Variants in CPEB1 observed in about 807,000 individuals in gnomAD.
CPEB1 encodes cytoplasmic polyadenylation element binding protein 1.
CPEB1 carries 7 observed loss-of-function variants against 65.8 expected under a neutral mutation model. The ratio of observed to expected loss-of-function variants is 0.11; its 90% CI spans 0.06 to 0.20. The LOEUF is 0.20. Ranked by LOEUF, CPEB1 falls within the 10% of genes least tolerant of loss-of-function variation. The pLI is 1.00. For synonymous variants in CPEB1, 262 were observed against 260.0 expected (o/e 1.01, Z -0.08); for missense variants, 551 against 712.2 (o/e 0.77, Z 2.58).
Position 82,609,556 on chromosome 15 carries a change from C to T in CPEB1, c.271+17637G>A, listed in dbSNP as rs993867524. Among the ~76,000 whole-genome samples, 14 of 150,624 alleles carry T rather than the reference C, an allele frequency of 9.3e-5. 1 individual carries two copies. Among genetic ancestry groups the T allele is most frequent in the African/African-American group, 3.4e-4 (14 of 41,062 alleles). ...AAATATCAATAACCTAACATTCTACCTAAAGAAACTAGAAAAAATAAACAC... is the reference window on the plus strand; with the variant it reads ...AAATATCAATAACCTAACATTCTACTTAAAGAAACTAGAAAAAATAAACAC... On this transcript the variant is annotated intron_variant, in intron 3 of 12. Transcript: ENST00000684509.
intron 5 of CPEB1, 77 bp downstream of exon 5, chr15:82,557,683 A>T (rs924573875): frequency 1.6e-6 from 2 of 1,243,522 alleles, no homozygotes; most frequent in Admixed American, 3.6e-5. Context: ...CATCCCATAG[A>T]TATTGTACCC....
intron 1 of CPEB1, among the ~76,000 whole-genome samples, chr15:82,646,160 C>T (rs956155906): frequency 1.1e-4 from 16 of 152,138 alleles, no homozygotes; most frequent in African/African-American, 3.4e-4. Context: ...AGCATGTGTC[C>T]CTAGACTCAA....
chr15:82,545,651 C>G (rs1358273349), intron 12 of CPEB1, among the ~76,000 whole-genome samples: 1 of 152,208 alleles, frequency 6.6e-6, no homozygotes. Context: ...GATCCACATT[C>G]CATCACCCAG....
upstream of CPEB1, chr15:82,648,125 C>T (rs923962786): frequency 2.0e-5 from 7 of 358,352 alleles, no homozygotes; most frequent in African/African-American, 1.5e-4. Context: ...GAGGAGGGCT[C>T]CGCCGCCCAC....
Position 82,544,272 on chromosome 15 carries a change from G to GTTTTTTTTT in CPEB1, c.*311_*319dup. ...TACCTCAATACCTTCTGGACACGTA[G>GTTTTTTTTT]TTTTTTTTTTTTTTTTTTTTTTCCC... On this transcript the variant is annotated 3_prime_UTR_variant, in exon 13 of 13. Coordinates refer to ENST00000684509, the MANE Select transcript of CPEB1 (RefSeq NM_001365242.1). 2 of 130,318 alleles carry GTTTTTTTTT rather than the reference G, an allele frequency of 1.5e-5. No homozygotes were observed. Among genetic ancestry groups the GTTTTTTTTT allele is most frequent in the Non-Finnish European group, 3.0e-5 (2 of 65,860 alleles). 8.1% of individuals were successfully genotyped at this position (130,318 alleles called of 1,614,324 possible).
intron 3 of CPEB1, among the ~76,000 whole-genome samples, chr15:82,614,289 G>C (rs1030839942): frequency 6.6e-6 from 1 of 152,218 alleles, no homozygotes; most frequent in African/African-American, 2.4e-5. Context: ...ACAGGCACGA[G>C]CCACTGCACC....
At chr15:82,600,992 C>T (rs919106128) in intron 3 of CPEB1, among the ~76,000 whole-genome samples, 1 of 149,376 alleles carries the variant, frequency 6.7e-6, no homozygotes, top group Admixed American at 6.7e-5. Flanking sequence ...GCAACCTCCA[C>T]CTCCCGAGTT....
chr15:82,645,223 G>A (rs775948286), intron 1 of CPEB1, among the ~76,000 whole-genome samples: 117 of 152,210 alleles, frequency 7.7e-4, no homozygotes, highest in Middle Eastern at 3.4e-3. Flanking sequence ...GCTGATCTCG[G>A]CTCACTGCAA....
chr15:82,619,437 T>G (rs373001029), intron 3 of CPEB1, among the ~76,000 whole-genome samples: 1 of 152,206 alleles, frequency 6.6e-6, no homozygotes, highest in African/African-American at 2.4e-5. Context: ...AGTCAGTAAA[T>G]TATACTTCAT....
At chr15:82,638,621 TGTTA>T (rs1446659258) in intron 1 of CPEB1, 1 of 152,176 alleles carries the variant, frequency 6.6e-6, no homozygotes, top group African/African-American at 2.4e-5. Context: ...AACCATAGTT[TGTTA>T]GTTGTTCTTC....
chr15:82,564,221 G>A (rs1380840765), intron 4 of CPEB1, among the ~76,000 whole-genome samples: 6 of 152,176 alleles, frequency 3.9e-5, no homozygotes, highest in Non-Finnish European at 7.3e-5. Context: ...GAGCCAGTAC[G>A]CTAAGGCCCT....
chr15:82,638,099 T>A, intron 1 of CPEB1: 1 of 335,366 alleles, frequency 3.0e-6, no homozygotes, highest in South Asian at 2.5e-5. Flanking sequence ...GGTTGAAGTA[T>A]ATGAAGAAAA....
At chr15:82,575,887 G>A (rs1252851424) in intron 3 of CPEB1, among the ~76,000 whole-genome samples, 1 of 152,146 alleles carries the variant, frequency 6.6e-6, no homozygotes, top group Non-Finnish European at 1.5e-5. Context: ...TTTTCAATGG[G>A]AGAAAAGGTA....
chr15:82,601,064 C>A (rs1046139966), intron 3 of CPEB1, among the ~76,000 whole-genome samples: 1 of 150,960 alleles, frequency 6.6e-6, no homozygotes, highest in Non-Finnish European at 1.5e-5. Flanking sequence ...GCCACCACAC[C>A]GAGCTAATTT....
intron 1 of CPEB1, among the ~76,000 whole-genome samples, chr15:82,643,639 C>A (rs904694573): frequency 7.0e-6 from 1 of 142,938 alleles, no homozygotes; most frequent in Non-Finnish European, 1.6e-5. Flanking sequence ...AAAAAAAATC[C>A]TTGAAAATGA....
chr15:82,625,307 C>A (rs1223588088), intron 3 of CPEB1, among the ~76,000 whole-genome samples: 1 of 152,122 alleles, frequency 6.6e-6, no homozygotes, highest in Non-Finnish European at 1.5e-5. Flanking sequence ...CCCCCACCCC[C>A]AAGTATGCCC....
intron 1 of CPEB1, chr15:82,638,091 T>A: frequency 2.9e-6 from 1 of 349,900 alleles, no homozygotes; most frequent in Admixed American, 3.1e-5. Flanking sequence ...GTTATTCTGG[T>A]TGAAGTATAT....
intron 1 of CPEB1, among the ~76,000 whole-genome samples, chr15:82,646,646 TCTGC>T (rs1311957035): frequency 1.3e-5 from 2 of 152,168 alleles, no homozygotes; most frequent in African/African-American, 4.8e-5. Flanking sequence ...AGCCCAGGCG[TCTGC>T]CTGGCTTTTC....
intron 3 of CPEB1, among the ~76,000 whole-genome samples, chr15:82,578,946 C>T (rs2040947797): frequency 6.6e-6 from 1 of 152,130 alleles, no homozygotes; most frequent in African/African-American, 2.4e-5. Flanking sequence ...GCTCCAGCCT[C>T]CCGAGTAGCT....
Sources: allele counts gnomAD v4.1 joint callset (sites outside exome capture counted in the v4.1 genomes callset), GRCh38; gene constraint gnomAD v4.1.1; transcripts MANE v1.5; gene names NCBI Gene and HGNC (gene_info 2026-07-23, HGNC 2026-07-21).